Variants in MEIS2 observed in about 807,000 individuals in gnomAD.
The protein encoded by MEIS2 is homeobox protein Meis2.
A neutral mutation model predicts 58.6 loss-of-function variants in MEIS2; 9 were observed. That is an observed-to-expected ratio of 0.15 (90% CI 0.09 to 0.27). The LOEUF is 0.27. MEIS2 is among the 10% of genes least tolerant of loss of function. The pLI is 1.00. For missense variants in MEIS2, 427 were observed against 635.0 expected (o/e 0.67, Z 3.52); for synonymous variants, 221 against 228.4 (o/e 0.97, Z 0.29).
intron 8 of MEIS2, among the ~76,000 whole-genome samples, chr15:37,033,926 T>C (rs1483178782): frequency 1.3e-5 from 2 of 151,922 alleles, no homozygotes; most frequent in South Asian, 2.1e-4. Context: ...GAAGTGTGGA[T>C]GAAGAAGGAA....
At chr15:36,975,415 T>C (rs1331241080) in intron 8 of MEIS2, among the ~76,000 whole-genome samples, 1 of 151,994 alleles carries the variant, frequency 6.6e-6, no homozygotes, top group Non-Finnish European at 1.5e-5. Context: ...AATTTATTCA[T>C]AGTAGAATCA....
chr15:37,085,072 CCAAT>C (rs912175017), intron 6 of MEIS2, among the ~76,000 whole-genome samples: 11 of 151,892 alleles, frequency 7.2e-5, no homozygotes, highest in East Asian at 1.9e-4. Context: ...AAGGTATACA[CCAAT>C]CAAAGTATAC....
chr15:36,890,451 A>G lies in MEIS2; in HGVS notation c.*1722T>C, dbSNP rs2055802170. On this transcript the variant is annotated 3_prime_UTR_variant, in exon 12 of 12. Coordinates refer to ENST00000561208, the MANE Select transcript of MEIS2 (RefSeq NM_170675.5). ...ATCACACTAGCATCCCTGCACATGGATGTGTCTGAAATAAAAATATACCAC... is the reference window on the plus strand; with the variant it reads ...ATCACACTAGCATCCCTGCACATGGGTGTGTCTGAAATAAAAATATACCAC... 1 of 152,200 alleles carries G rather than the reference A, an allele frequency of 6.6e-6. No individual in the cohort carries two copies. Among genetic ancestry groups the G allele is most frequent in the Non-Finnish European group, 1.5e-5 (1 of 68,018 alleles). 9.4% of individuals were successfully genotyped at this position (152,200 alleles called of 1,614,324 possible). A position where few individuals can be genotyped will look rare whatever the true frequency, so the allele number is the denominator to read the frequency against.
rs1389824935 is a variant in MEIS2 at position 36,995,993 on chromosome 15, A to ATG, written c.900+40820_900+40821insCA. On this transcript the variant is annotated intron_variant, in intron 8 of 11. Transcript: ENST00000561208. ...TATATATATATATATATATATATATATATATATATGTATATATATATACAT... is the reference window on the plus strand; with the variant it reads ...TATATATATATATATATATATATATATGTATATATATGTATATATATATACAT... 2.1e-4 allele frequency among the ~76,000 whole-genome samples: 11 copies of ATG among 51,618 alleles called. No homozygotes were observed. In the Admixed American group the frequency reaches 2.9e-3, roughly 14 times the overall value. 33.9% of individuals were successfully genotyped at this position (51,618 alleles called of 152,430 possible). A position where few individuals can be genotyped will look rare whatever the true frequency, so the allele number is the denominator to read the frequency against.
intron 11 of MEIS2, 59 bp downstream of exon 11, chr15:36,895,092 G>A: frequency 7.3e-7 from 1 of 1,371,404 alleles, no homozygotes. Context: ...TGGATGGAGA[G>A]GCTGGTGGAG....
intron 8 of MEIS2, among the ~76,000 whole-genome samples, chr15:37,023,907 CTCTCTTTT>C (rs2061608954): frequency 8.6e-6 from 1 of 115,892 alleles, no homozygotes; most frequent in Admixed American, 1.2e-4. Context: ...CTCCTTTTCT[CTCTCTTTT>C]TTTTTTTTTT....
chr15:37,030,367 T>G lies in MEIS2; in HGVS notation c.900+6447A>C, dbSNP rs537654336. Reference sequence around the variant, plus strand: ...CCTACTGAGGGGTATTTCCATTTTTTTTTCTTTTTTTTAGGCTGGAGTGCA... The same window carrying G: ...CCTACTGAGGGGTATTTCCATTTTTGTTTCTTTTTTTTAGGCTGGAGTGCA... On this transcript the variant is annotated intron_variant, in intron 8 of 11. Transcript: ENST00000561208. Among the ~76,000 whole-genome samples, 3 of 152,204 alleles carry G rather than the reference T, an allele frequency of 2.0e-5. No individual in the cohort carries two copies. In the East Asian group the frequency reaches 5.8e-4, roughly 29 times the overall value.
chr15:37,047,220 G>A (rs1446901613), intron 7 of MEIS2, among the ~76,000 whole-genome samples: 1 of 152,090 alleles, frequency 6.6e-6, no homozygotes, highest in East Asian at 1.9e-4. Context: ...TAAGGTAGAA[G>A]GCAGGGACAA....
chr15:36,919,074 G>T (rs778613177), intron 9 of MEIS2, among the ~76,000 whole-genome samples: 3 of 152,040 alleles, frequency 2.0e-5, no homozygotes, highest in Non-Finnish European at 4.4e-5. Context: ...CAGCTACTCT[G>T]CAGACTGAGG....
chr15:36,978,588 C>G (rs183308261), intron 8 of MEIS2, among the ~76,000 whole-genome samples: 2 of 152,214 alleles, frequency 1.3e-5, no homozygotes, highest in African/African-American at 4.8e-5. Context: ...GAAGGAAGAG[C>G]AAAAAGAAAA....
At chr15:36,902,466 T>C (rs1236803971) in intron 9 of MEIS2, among the ~76,000 whole-genome samples, 1 of 152,184 alleles carries the variant, frequency 6.6e-6, no homozygotes, top group African/African-American at 2.4e-5. Context: ...CTCTGTATGG[T>C]TCTCTAGATC....
At chr15:37,059,905 C>A (rs1490464198) in intron 7 of MEIS2, among the ~76,000 whole-genome samples, 1 of 149,460 alleles carries the variant, frequency 6.7e-6, no homozygotes, top group Admixed American at 6.7e-5. Context: ...CATGCCACTG[C>A]ACTCCAGCGA....
chr15:37,099,307 A>T, intron 1 of MEIS2, 148 bp downstream of exon 1: 1 of 1,534,294 alleles, frequency 6.5e-7, no homozygotes, highest in South Asian at 1.3e-5. Context: ...AAAGAAGCCG[A>T]TGAATAATTT....
Position 36,997,465 on chromosome 15 carries a change from A to T in MEIS2, c.900+39349T>A, listed in dbSNP as rs536217288. On this transcript the variant is annotated intron_variant, in intron 8 of 11. Transcript: ENST00000561208. ...TAATACATAATTCAGTATCTTAGCC[A>T]ATTCTTGATTTCTCTCTCTCTCTCT... is the stretch of plus-strand genomic sequence containing the variant. Among the ~76,000 whole-genome samples, 3 of 149,472 alleles carry T rather than the reference A, an allele frequency of 2.0e-5. No homozygotes were observed. In the Admixed American group the frequency reaches 2.0e-4, roughly 10 times the overall value.
At chr15:37,063,397 T>G (rs1259923768) in intron 7 of MEIS2, among the ~76,000 whole-genome samples, 6 of 152,130 alleles carry the variant, frequency 3.9e-5, no homozygotes, top group African/African-American at 1.4e-4. Flanking sequence ...GTTAAGTGTC[T>G]GGATTTAGGG....
At chr15:37,011,612 T>C in intron 8 of MEIS2, among the ~76,000 whole-genome samples, 1 of 23,146 alleles carries the variant, frequency 4.3e-5, no homozygotes, top group Non-Finnish European at 2.1e-4. Context: ...CAGTGGTTTT[T>C]TTTTTTTTTT....
intron 8 of MEIS2, among the ~76,000 whole-genome samples, chr15:36,956,021 CAAAAAAAAAAAAA>C (rs757524401): frequency 4.3e-5 from 2 of 46,618 alleles, no homozygotes; most frequent in Non-Finnish European, 7.6e-5. Context: ...ACTAAAAATA[CAAAAAAAAAAAAA>C]AAAAAAAAAA....
chr15:37,087,256 G>A (rs1260573781), intron 6 of MEIS2, among the ~76,000 whole-genome samples: 1 of 152,158 alleles, frequency 6.6e-6, no homozygotes, highest in Non-Finnish European at 1.5e-5. Flanking sequence ...AGTGGCTTTG[G>A]TAATTGGGAG....
At chr15:36,937,079 G>C (rs368619639) in intron 9 of MEIS2, among the ~76,000 whole-genome samples, 1 of 152,182 alleles carries the variant, frequency 6.6e-6, no homozygotes, top group Admixed American at 6.5e-5. Flanking sequence ...TTAGTGAGTG[G>C]GTGAAGGAAA....
Sources: allele counts gnomAD v4.1 joint callset (sites outside exome capture counted in the v4.1 genomes callset), GRCh38; gene constraint gnomAD v4.1.1; transcripts MANE v1.5; gene names NCBI Gene and HGNC (gene_info 2026-07-23, HGNC 2026-07-21).